PLCH2: variants seen among roughly 807,000 people sequenced by gnomAD.
The protein encoded by PLCH2 is phospholipase C eta 2.
In PLCH2, 98 loss-of-function variants were observed where a neutral mutation model predicts 134.7. That is an observed-to-expected ratio of 0.73 (90% CI 0.62 to 0.86). The LOEUF (loss-of-function observed/expected upper bound fraction) is 0.86, where lower values mean the gene tolerates loss of function less well. Ranked by LOEUF, PLCH2 falls within the 40% of genes least tolerant of loss-of-function variation. PLCH2 has a pLI of 0.00. For missense variants in PLCH2, 1,994 were observed against 1,986.6 expected, an observed-to-expected ratio of 1.00 and a Z score of -0.07; for synonymous variants, 974 against 827.5, an observed-to-expected ratio of 1.18 and a Z score of -3.04.
At chr1:2,456,243 G>A (rs749251135) in intron 2 of PLCH2, among the ~76,000 whole-genome samples, 15 of 152,282 alleles carry the variant, frequency 9.9e-5, no homozygotes, top group Admixed American at 1.3e-4. Context: ...GGCCTTTGTC[G>A]GATTTAGGCC....
chr1:2,436,774 G>A (rs1174860026), intron 2 of PLCH2, among the ~76,000 whole-genome samples: 3 of 152,246 alleles, frequency 2.0e-5, no homozygotes, highest in Non-Finnish European at 4.4e-5. Context: ...GTGGGCATAT[G>A]CAGCCTTGTC....
At chr1:2,490,505 A>G (rs889183666) in intron 10 of PLCH2, among the ~76,000 whole-genome samples, 17 of 152,032 alleles carry the variant, frequency 1.1e-4, no homozygotes, top group Admixed American at 2.6e-4. Flanking sequence ...TCCTCTGGAC[A>G]CTGCTCTGGG....
At chr1:2,464,359 A>G (rs181597499), upstream of PLCH2, among the ~76,000 whole-genome samples, 23 of 152,276 alleles carry the variant, frequency 1.5e-4, no homozygotes, top group Admixed American at 1.2e-3. Flanking sequence ...GCGGGCTCAG[A>G]ATTGGCAATC....
chr1:2,457,132 T>G (rs1024125848), intron 2 of PLCH2, among the ~76,000 whole-genome samples: 2 of 152,120 alleles, frequency 1.3e-5, no homozygotes. Context: ...GGCCAGCCCT[T>G]GTGCAGGATG....
intron 20 of PLCH2, chr1:2,501,061 C>G (rs1467569391): frequency 6.6e-6 from 1 of 152,160 alleles, no homozygotes; most frequent in African/African-American, 2.4e-5. Flanking sequence ...GCGCTCCGAG[C>G]CAGAATCCCG....
At chr1:2,456,391 G>A (rs1640494850) in intron 2 of PLCH2, among the ~76,000 whole-genome samples, 1 of 152,198 alleles carries the variant, frequency 6.6e-6, no homozygotes, top group Non-Finnish European at 1.5e-5. Flanking sequence ...CTGGGGGGCG[G>A]GTGGCGCTCT....
upstream of PLCH2, among the ~76,000 whole-genome samples, chr1:2,423,722 G>GTAACATAT (rs201778016): frequency 2.7e-3 from 404 of 152,278 alleles, 13 homozygotes; most frequent in East Asian, 0.044. Context: ...CTGTTATGCA[G>GTAACATAT]GACCTGAAAG....
intron 2 of PLCH2, among the ~76,000 whole-genome samples, chr1:2,443,595 A>AGCCCCGCCGTAC (rs144476621): frequency 6.7e-6 from 1 of 150,280 alleles, no homozygotes; most frequent in Non-Finnish European, 1.5e-5. Context: ...CGGGCCGGCT[A>AGCCCCGCCGTAC]GCCCCGCGCC....
chr1:2,491,979 G>A (rs2477700), intron 11 of PLCH2, among the ~76,000 whole-genome samples: 4,670 of 152,036 alleles, frequency 0.031, 200 homozygotes, highest in African/African-American at 0.11. Flanking sequence ...GGGGCAGAGT[G>A]GGGAGCGTGG....
chr1:2,452,323 CAG>C, intron 2 of PLCH2, among the ~76,000 whole-genome samples: 1 of 152,320 alleles, frequency 6.6e-6, no homozygotes, highest in East Asian at 1.9e-4. Context: ...TGGCAGGTAG[CAG>C]CCCCGTGGAA....
intron 1 of PLCH2, among the ~76,000 whole-genome samples, chr1:2,426,426 C>T (rs904165548): frequency 1.3e-5 from 2 of 152,268 alleles, no homozygotes; most frequent in African/African-American, 2.4e-5. Flanking sequence ...ACCCCATGGC[C>T]TCCCAAAGTC....
upstream of PLCH2, among the ~76,000 whole-genome samples, chr1:2,465,544 C>T (rs1641017872): frequency 6.6e-6 from 1 of 152,230 alleles, no homozygotes; most frequent in South Asian, 2.1e-4. Flanking sequence ...CCTGGCTCCC[C>T]TGCCACCATG....
In PLCH2 at chr1:2,444,647, G is replaced by A. The variant is rs945444550; in HGVS notation, c.115+14018G>A. Among the ~76,000 whole-genome samples the A allele has an allele frequency of 1.3e-5, 2 of 152,108 alleles. No homozygotes were observed. The highest frequency in any genetic ancestry group is 2.9e-5 in the Non-Finnish European group (2 of 67,986). ...TGGAGCTGGTGGAGGAAGATGCCAA[G>A]GAGATAAGAGGCTTCCCCTCCCCTC... On this transcript the variant is annotated intron_variant, in intron 2 of 3. Transcript: ENST00000609981. This position sits in a 1 kb window ranked among gnomAD's most constrained non-coding sequence, Gnocchi z 4.6.
intron 2 of PLCH2, among the ~76,000 whole-genome samples, chr1:2,458,617 A>G (rs932791896): frequency 1.3e-5 from 2 of 152,110 alleles, no homozygotes; most frequent in South Asian, 2.1e-4. Flanking sequence ...GCTGGGCTCC[A>G]TCTGTGCCCC....
chr1:2,497,441 G>GGGGAACCCTCCTTGCTA, intron 15 of PLCH2, 61 bp from the exon 16 acceptor site: 1 of 1,202,342 alleles, frequency 8.3e-7, no homozygotes, highest in Non-Finnish European at 1.2e-6. Context: ...GTGGTGGGTG[G>GGGGAACCCTCCTTGCTA]GCGGGGCACA....
At chr1:2,503,395 G>C in intron 21 of PLCH2, 1 of 585,490 alleles carries the variant, frequency 1.7e-6, no homozygotes, top group Non-Finnish European at 3.0e-6. Context: ...GCTGCTGGGC[G>C]TCTCCTGCGC....
intron 2 of PLCH2, among the ~76,000 whole-genome samples, chr1:2,453,301 G>A (rs1340345429): frequency 6.6e-6 from 1 of 152,234 alleles, no homozygotes; most frequent in Non-Finnish European, 1.5e-5. Context: ...TGCTTGGGAG[G>A]TGAAGACCCC....
At chr1:2,492,800 G>A (rs980805302) in intron 11 of PLCH2, among the ~76,000 whole-genome samples, 3 of 152,144 alleles carry the variant, frequency 2.0e-5, no homozygotes, top group Non-Finnish European at 4.4e-5. Context: ...TCCCCCTGGG[G>A]TAGCCGGTGT....
Position 2,440,681 on chromosome 1 carries a change from G to C in PLCH2, c.115+10052G>C, listed in dbSNP as rs1639650176. ...GACCAGGGATCCTCTCTCCATGTCTGTCGCTGGCCTTGGCCGGCCTGCCCG... is the reference window on the plus strand; with the variant it reads ...GACCAGGGATCCTCTCTCCATGTCTCTCGCTGGCCTTGGCCGGCCTGCCCG... On this transcript the variant is annotated intron_variant, in intron 2 of 3. Coordinates refer to the PLCH2 transcript ENST00000609981. 1.5e-5 allele frequency among the ~76,000 whole-genome samples: 2 copies of C among 135,324 alleles called. 1 individual carries two copies. Among genetic ancestry groups the C allele is most frequent in the African/African-American group, 5.8e-5 (2 of 34,274 alleles). 88.8% of individuals were successfully genotyped at this position (135,324 alleles called of 152,430 possible). A position where few individuals can be genotyped will look rare whatever the true frequency, so the allele number is the denominator to read the frequency against.
Sources: gnomAD v4.1 joint callset for allele counts (sites outside exome capture counted in the v4.1 genomes callset) on GRCh38, gnomAD v4.1.1 for gene constraint, Gnocchi (gnomAD v3.1) non-coding constraint, MANE v1.5 for transcripts, NCBI Gene and HGNC (gene_info 2026-07-23, HGNC 2026-07-21) for gene names.